COL23A1: variants seen among roughly 807,000 people sequenced by gnomAD.
COL23A1 encodes collagen alpha-1(XXIII) chain.
In COL23A1, 97 loss-of-function variants were observed where a neutral mutation model predicts 99.3. The ratio of observed to expected loss-of-function variants is 0.98; its 90% CI spans 0.83 to 1.16. The LOEUF (loss-of-function observed/expected upper bound fraction) is 1.16. Among genes scored for constraint, COL23A1 ranks in the 50% most tolerant of loss-of-function variants. The probability of loss-of-function intolerance (pLI) is 0.00; values close to 1 mark genes in which losing one functional copy is unlikely to be tolerated. For missense variants in COL23A1, 762 were observed against 757.4 expected (o/e 1.01, Z -0.07); for synonymous variants, 320 against 308.2 (o/e 1.04, Z -0.40).
chr5:178,260,890 C>A (rs1416134217), intron 11 of COL23A1, among the ~76,000 whole-genome samples: 1 of 152,156 alleles, frequency 6.6e-6, no homozygotes, highest in Non-Finnish European at 1.5e-5. Flanking sequence ...GGTAAATACT[C>A]CATGACACCA....
intron 22 of COL23A1, among the ~76,000 whole-genome samples, 153 bp from the exon 23 acceptor site, chr5:178,246,606 G>C (rs1358812577): frequency 3.3e-5 from 5 of 152,232 alleles, no homozygotes; most frequent in Non-Finnish European, 5.9e-5. Flanking sequence ...TGGTGAGGGT[G>C]ATCAGGAGGA....
chr5:178,315,205 T>C (rs1758913627), intron 2 of COL23A1, among the ~76,000 whole-genome samples: 1 of 152,140 alleles, frequency 6.6e-6, no homozygotes, highest in African/African-American at 2.4e-5. Flanking sequence ...CCATGACGCA[T>C]CCTGGTGACA....
chr5:178,380,201 A>C (rs923248158), intron 2 of COL23A1, among the ~76,000 whole-genome samples: 1 of 152,192 alleles, frequency 6.6e-6, no homozygotes, highest in Non-Finnish European at 1.5e-5. Context: ...GTGGAAAGTC[A>C]ATGGGTCAAT....
chr5:178,261,844 A>C, intron 10 of COL23A1, 96 bp from the exon 11 acceptor site: 1 of 1,078,878 alleles, frequency 9.3e-7, no homozygotes, highest in Non-Finnish European at 1.4e-6. Context: ...GGTGACACCA[A>C]TCCCAGAGAG....
At chr5:178,369,463 C>T (rs1427269158) in intron 2 of COL23A1, among the ~76,000 whole-genome samples, 1 of 152,222 alleles carries the variant, frequency 6.6e-6, no homozygotes, top group African/African-American at 2.4e-5. Context: ...CCAGAAAGCA[C>T]TCAGAGAAAT....
intron 25 of COL23A1, among the ~76,000 whole-genome samples, 195 bp from the exon 26 acceptor site, chr5:178,242,589 C>T (rs544709990): frequency 1.3e-5 from 2 of 152,322 alleles, no homozygotes; most frequent in South Asian, 2.1e-4. Context: ...CATGCATTTA[C>T]GATGCCAGCT....
In COL23A1 at chr5:178,560,059, G is replaced by A. The variant is rs536319812; in HGVS notation, c.361+623C>T. On this transcript the variant is annotated intron_variant, in intron 2 of 28. Transcript: ENST00000390654. ...CACACTGGGCCATGGCCTGTGCAAAGCTCCCCTGAGGACACCCAGGAGACC... is the reference window on the plus strand; with the variant it reads ...CACACTGGGCCATGGCCTGTGCAAAACTCCCCTGAGGACACCCAGGAGACC... Among the ~76,000 whole-genome samples, 4 of 152,306 alleles carry A rather than the reference G, an allele frequency of 2.6e-5. No homozygotes were observed. The South Asian group carries it at 8.3e-4, about 32-fold the overall frequency.
intron 2 of COL23A1, among the ~76,000 whole-genome samples, chr5:178,523,159 T>TACAC (rs1259431299): frequency 8.6e-5 from 6 of 70,098 alleles, no homozygotes; most frequent in Non-Finnish European, 1.5e-4. Flanking sequence ...TATATATATA[T>TACAC]ATACATATAT....
intron 2 of COL23A1, among the ~76,000 whole-genome samples, chr5:178,447,048 T>C (rs1767198111): frequency 6.6e-6 from 1 of 152,184 alleles, no homozygotes; most frequent in Non-Finnish European, 1.5e-5. Context: ...ATCTTCCTTA[T>C]TTCTGTTTTC....
intron 2 of COL23A1, among the ~76,000 whole-genome samples, chr5:178,383,450 G>A (rs1468838187): frequency 6.6e-6 from 1 of 152,228 alleles, no homozygotes; most frequent in African/African-American, 2.4e-5. Flanking sequence ...TCATGGCCCA[G>A]CCGGCCCCTT....
chr5:178,262,338 G>A (rs1765678406), intron 9 of COL23A1, 86 bp from the exon 10 acceptor site: 2 of 1,294,184 alleles, frequency 1.5e-6, no homozygotes, highest in African/African-American at 1.5e-5. Flanking sequence ...CCCGGGCTGG[G>A]GCTCTAAGTA....
intron 2 of COL23A1, among the ~76,000 whole-genome samples, chr5:178,510,305 G>C (rs1759129157): frequency 6.6e-6 from 1 of 152,190 alleles, no homozygotes; most frequent in Non-Finnish European, 1.5e-5. Context: ...ACTTTGGGAG[G>C]CCGAGGCGGG....
intron 18 of COL23A1, among the ~76,000 whole-genome samples, chr5:178,249,716 A>ACACACTCTCACTCTCTCTCTCTCT: frequency 7.5e-5 from 7 of 92,806 alleles, no homozygotes; most frequent in Non-Finnish European, 6.6e-5. Flanking sequence ...ACACACACAC[A>ACACACTCTCACTCTCTCTCTCTCT]CTCTCTCTCT....
rs140719376 is a variant in COL23A1, at chr5:178,574,998, G to T, written c.295-14250C>A. ...TCATTAACTAGCAATCTTCATCCTG[G>T]TATCTTTTATGTGTCAGTCGCTTTT... is the stretch of plus-strand genomic sequence containing the variant. On this transcript the variant is annotated intron_variant, in intron 1 of 28. Transcript: ENST00000390654. Among the ~76,000 whole-genome samples, 583 of 152,182 alleles carry T rather than the reference G, an allele frequency of 3.8e-3. 4 individuals are homozygous for T. Among genetic ancestry groups the T allele is most frequent in the Non-Finnish European group, 6.5e-3 (441 of 68,000 alleles).
intron 2 of COL23A1, among the ~76,000 whole-genome samples, chr5:178,516,900 C>T (rs59428600): frequency 0.016 from 2,391 of 152,318 alleles, 76 homozygotes; most frequent in African/African-American, 0.054. Context: ...GCTGTGTGTG[C>T]GACCAGTAGC....
chr5:178,419,081 C>T (rs1765460269), intron 2 of COL23A1, among the ~76,000 whole-genome samples: 1 of 152,214 alleles, frequency 6.6e-6, no homozygotes, highest in Non-Finnish European at 1.5e-5. Flanking sequence ...TGTCTGCTCC[C>T]TGTCCTCCTC....
chr5:178,494,929 C>G (rs1387386221), intron 2 of COL23A1, among the ~76,000 whole-genome samples: 1 of 152,172 alleles, frequency 6.6e-6, no homozygotes, highest in African/African-American at 2.4e-5. Context: ...CCCGGAACGC[C>G]CAGAGACACA....
chr5:178,414,277 G>A (rs1216602004), intron 2 of COL23A1, among the ~76,000 whole-genome samples: 1 of 152,168 alleles, frequency 6.6e-6, no homozygotes, highest in African/African-American at 2.4e-5. Flanking sequence ...CCACCTGCTG[G>A]CAGATGATTT....
intron 27 of COL23A1, 30 bp from the exon 28 acceptor site, chr5:178,239,209 G>C: frequency 6.2e-7 from 1 of 1,613,680 alleles, no homozygotes; most frequent in Middle Eastern, 1.6e-4. Flanking sequence ...CAGTGATGGG[G>C]ATGGGGCCTG....
Sources: allele counts gnomAD v4.1 joint callset (sites outside exome capture counted in the v4.1 genomes callset), GRCh38; gene constraint gnomAD v4.1.1; transcripts MANE v1.5; gene names NCBI Gene and HGNC (gene_info 2026-07-23, HGNC 2026-07-21).